RCOR1: variants seen among roughly 807,000 people sequenced by gnomAD.
RCOR1 encodes REST corepressor.
RCOR1 carries 12 observed loss-of-function variants against 64.0 expected under a neutral mutation model. The observed-to-expected ratio is 0.19, with a 90% CI of 0.12 to 0.30. The LOEUF (loss-of-function observed/expected upper bound fraction) is 0.30, where lower values mean the gene tolerates loss of function less well. RCOR1 is among the 10% of genes least tolerant of loss of function. RCOR1 has a pLI of 1.00. For synonymous variants in RCOR1, 279 were observed against 227.2 expected (o/e 1.23, Z -2.05); for missense variants, 502 against 621.2 (o/e 0.81, Z 2.04).
chr14:102,617,088 A>G (rs1360038590), intron 2 of RCOR1, among the ~76,000 whole-genome samples: 1 of 152,228 alleles, frequency 6.6e-6, no homozygotes, highest in Non-Finnish European at 1.5e-5. Flanking sequence ...GCAAATAGTG[A>G]TAGAAAAGTG....
chr14:102,595,096 T>C (rs1474472206), intron 2 of RCOR1, among the ~76,000 whole-genome samples: 1 of 152,254 alleles, frequency 6.6e-6, no homozygotes, highest in Non-Finnish European at 1.5e-5. Context: ...GTTTGACTTC[T>C]TTGGAGTTAT....
Position 102,634,654 on chromosome 14 carries a change from A to G in RCOR1, c.361+41329A>G, listed in dbSNP as rs7150136. On this transcript the variant is annotated intron_variant, in intron 2 of 11. Coordinates refer to ENST00000262241, the MANE Select transcript of RCOR1 (RefSeq NM_015156.4). ...TATGTGTGTATATATATATATATGTATATATATATACACACACACGTACAT... is the reference window on the plus strand; with the variant it reads ...TATGTGTGTATATATATATATATGTGTATATATATACACACACACGTACAT... Among the ~76,000 whole-genome samples, 82 of 147,832 alleles carry G rather than the reference A, an allele frequency of 5.5e-4. 1 individual carries two copies. The Middle Eastern group carries it at 0.022, about 39-fold the overall frequency.
At chr14:102,622,000 C>G (rs763943086) in intron 2 of RCOR1, among the ~76,000 whole-genome samples, 1 of 152,254 alleles carries the variant, frequency 6.6e-6, no homozygotes, top group South Asian at 2.1e-4. Context: ...AAGAGAAATA[C>G]GAAGGCAGAC....
At chr14:102,619,104 A>ATCTGTCTGTCTG (rs71119723) in intron 2 of RCOR1, among the ~76,000 whole-genome samples, 11,444 of 151,488 alleles carry the variant, frequency 0.076, 756 homozygotes, top group African/African-American at 0.18. Context: ...TAGCTAAAGG[A>ATCTGTCTGTCTG]TCTGTCTGTC....
chr14:102,688,723 A>C (rs1292578814), intron 3 of RCOR1, among the ~76,000 whole-genome samples: 1 of 152,160 alleles, frequency 6.6e-6, no homozygotes, highest in Non-Finnish European at 1.5e-5. Context: ...CGTTAAGTAT[A>C]GGTGCACTGT....
At chr14:102,640,249 G>A (rs996000868) in intron 2 of RCOR1, among the ~76,000 whole-genome samples, 1 of 152,222 alleles carries the variant, frequency 6.6e-6, no homozygotes, top group African/African-American at 2.4e-5. Flanking sequence ...CTAAAGTGCT[G>A]GGAGCCGCTG....
At chr14:102,601,032 C>T (rs1177358548) in intron 2 of RCOR1, among the ~76,000 whole-genome samples, 1 of 151,552 alleles carries the variant, frequency 6.6e-6, no homozygotes, top group Non-Finnish European at 1.5e-5. Context: ...CTACTAAAAA[C>T]ACAAAAATTA....
intron 2 of RCOR1, among the ~76,000 whole-genome samples, chr14:102,613,885 C>CTTTTTTTTTTTTTTTTTTTTTTTTTTTTT (rs71119719): frequency 1.8e-5 from 1 of 55,498 alleles, no homozygotes; most frequent in Non-Finnish European, 3.4e-5. Context: ...ATTAACTATT[C>CTTTTTTTTTTTTTTTTTTTTTTTTTTTTT]TTTTTTTTTT....
chr14:102,655,437 T>C, intron 2 of RCOR1: 1 of 984,864 alleles, frequency 1.0e-6, no homozygotes, highest in Non-Finnish European at 1.2e-6. Flanking sequence ...TGGCATGTTT[T>C]ATAATTTGCT....
At chr14:102,634,601 C>CATAT (rs35215502) in intron 2 of RCOR1, among the ~76,000 whole-genome samples, 22,408 of 150,746 alleles carry the variant, frequency 0.15, 2,272 homozygotes, top group African/African-American at 0.28. Flanking sequence ...GTTTATATTA[C>CATAT]GTGTGTGTGT....
At chr14:102,720,955 T>C (rs1896158452) in intron 8 of RCOR1, 52 bp from the exon 9 acceptor site, 1 of 978,514 alleles carries the variant, frequency 1.0e-6, no homozygotes, top group Non-Finnish European at 1.5e-6. Flanking sequence ...TCTGTTTTCA[T>C]ACCTTTATAT....
rs1411940868 is a variant in RCOR1, at chr14:102,601,416, G to A, written c.361+8091G>A. 2.6e-5 allele frequency among the ~76,000 whole-genome samples: 4 copies of A among 152,172 alleles called. No homozygotes were observed. In the East Asian group the frequency reaches 7.7e-4, roughly 29 times the overall value. On this transcript the variant is annotated intron_variant, in intron 2 of 11. Coordinates refer to ENST00000262241, the MANE Select transcript of RCOR1 (RefSeq NM_015156.4). Reference sequence around the variant, plus strand: ...CACAGTTGGTTTATATTATTTCTGTGATAGTTTGCATCTTCTGAGAAGCAG... The same window carrying A: ...CACAGTTGGTTTATATTATTTCTGTAATAGTTTGCATCTTCTGAGAAGCAG...
chr14:102,676,261 G>T (rs1167489809), intron 2 of RCOR1, among the ~76,000 whole-genome samples: 2 of 149,844 alleles, frequency 1.3e-5, no homozygotes, highest in Non-Finnish European at 3.0e-5. Context: ...CGGGCAGAGG[G>T]GCTCCTCGCT....
At chr14:102,634,681 C>CAT (rs748184584) in intron 2 of RCOR1, among the ~76,000 whole-genome samples, 10 of 149,428 alleles carry the variant, frequency 6.7e-5, no homozygotes, top group Non-Finnish European at 1.2e-4. Flanking sequence ...CACGTACATA[C>CAT]ATATATATAT....
intron 2 of RCOR1, among the ~76,000 whole-genome samples, chr14:102,613,226 C>CGAG (rs1567407702): frequency 6.6e-6 from 1 of 151,868 alleles, no homozygotes; most frequent in Non-Finnish European, 1.5e-5. Flanking sequence ...CTCAGCCTCC[C>CGAG]GAGTAGCTGG....
chr14:102,666,618 A>C (rs1252658787), intron 2 of RCOR1, among the ~76,000 whole-genome samples: 1 of 152,158 alleles, frequency 6.6e-6, no homozygotes, highest in Non-Finnish European at 1.5e-5. Context: ...ACAGTTTCTC[A>C]AGATTTTTCT....
intron 2 of RCOR1, among the ~76,000 whole-genome samples, chr14:102,599,943 A>T (rs1019096972): frequency 6.6e-6 from 1 of 151,672 alleles, no homozygotes; most frequent in Non-Finnish European, 1.5e-5. Context: ...TGCTGGGAAT[A>T]CATGTGCACA....
chr14:102,711,391 A>G (rs1895954313), intron 7 of RCOR1, among the ~76,000 whole-genome samples: 1 of 152,208 alleles, frequency 6.6e-6, no homozygotes, highest in Non-Finnish European at 1.5e-5. Context: ...CTAGGCACCC[A>G]TGCCGTGCCT....
At chr14:102,605,493 C>T (rs1238246468) in intron 2 of RCOR1, among the ~76,000 whole-genome samples, 2 of 152,160 alleles carry the variant, frequency 1.3e-5, no homozygotes, top group African/African-American at 2.4e-5. Context: ...TTTCTGTCGC[C>T]TAGTAACTTC....
Sources: allele counts gnomAD v4.1 joint callset (sites outside exome capture counted in the v4.1 genomes callset), GRCh38; gene constraint gnomAD v4.1.1; transcripts MANE v1.5; gene names NCBI Gene and HGNC (gene_info 2026-07-23, HGNC 2026-07-21).